PPP3CC: variants seen among roughly 807,000 people sequenced by gnomAD.
PPP3CC encodes protein phosphatase 3 catalytic subunit gamma.
Under a neutral mutation model 60.3 loss-of-function variants are expected in PPP3CC, and 35 were observed. The observed-to-expected ratio is 0.58, with a 90% CI of 0.44 to 0.77. PPP3CC has a LOEUF of 0.77. PPP3CC is among the 30% of genes least tolerant of loss of function. The probability of loss-of-function intolerance (pLI) is 0.00; values close to 1 mark genes in which losing one functional copy is unlikely to be tolerated. For synonymous variants in PPP3CC, 206 were observed against 224.3 expected (o/e 0.92, Z 0.73); for missense variants, 570 against 628.9 (o/e 0.91, Z 1.00).
intron 10 of PPP3CC, among the ~76,000 whole-genome samples, chr8:22,531,897 G>A (rs577251106): frequency 3.9e-5 from 6 of 152,182 alleles, no homozygotes; most frequent in Admixed American, 6.5e-5. Flanking sequence ...AGCTTTCTTT[G>A]TGAGGTTTGT....
intron 1 of PPP3CC, among the ~76,000 whole-genome samples, chr8:22,456,326 A>G (rs1345860905): frequency 1.3e-5 from 2 of 152,212 alleles, no homozygotes; most frequent in African/African-American, 4.8e-5. Flanking sequence ...GTCAATGTAT[A>G]TTGTAGTAGC....
At chr8:22,510,933 A>C (rs1839067412) in intron 4 of PPP3CC, 153 bp from the exon 5 acceptor site, 1 of 804,946 alleles carries the variant, frequency 1.2e-6, no homozygotes, top group Non-Finnish European at 1.9e-6. Context: ...TATTATCCAC[A>C]ACTTTTCAAA....
intron 1 of PPP3CC, among the ~76,000 whole-genome samples, chr8:22,469,639 G>GA: frequency 6.6e-6 from 1 of 152,084 alleles, no homozygotes; most frequent in Non-Finnish European, 1.5e-5. Flanking sequence ...TAAGTCATAC[G>GA]AAGAGGCCAC....
chr8:22,442,503 A>G (rs1324186518), intron 1 of PPP3CC, among the ~76,000 whole-genome samples: 1 of 152,234 alleles, frequency 6.6e-6, no homozygotes, highest in Admixed American at 6.5e-5. Context: ...ATTTTAGTGT[A>G]TAACTTAGGT....
Position 22,458,651 on chromosome 8 carries a change from A to AAT in PPP3CC, c.50-16292_50-16291dup, listed in dbSNP as rs1255982355. 1.3e-4 allele frequency among the ~76,000 whole-genome samples: 20 copies of AAT among 151,574 alleles called. No homozygotes were observed. In the East Asian group the frequency reaches 2.1e-3, roughly 16 times the overall value. On this transcript the variant is annotated intron_variant, in intron 1 of 13. Transcript: ENST00000240139. ...AATAAATAAAATAAAGTAAAATAAAAATATATATATATCACTACTAGCTAG... is the reference window on the plus strand; with the variant it reads ...AATAAATAAAATAAAGTAAAATAAAAATATATATATATATCACTACTAGCTAG...
intron 1 of PPP3CC, among the ~76,000 whole-genome samples, chr8:22,451,096 C>T (rs1482296427): frequency 6.6e-6 from 1 of 151,004 alleles, no homozygotes; most frequent in African/African-American, 2.4e-5. Flanking sequence ...ACCACGGCCT[C>T]CCAAAGTGCT....
chr8:22,469,638 C>T (rs79892173), intron 1 of PPP3CC, among the ~76,000 whole-genome samples: 6,471 of 152,096 alleles, frequency 0.043, 473 homozygotes, highest in African/African-American at 0.15. Flanking sequence ...CTAAGTCATA[C>T]GAAGAGGCCA....
At chr8:22,467,580 C>T (rs36082469) in intron 1 of PPP3CC, among the ~76,000 whole-genome samples, 6 of 152,100 alleles carry the variant, frequency 3.9e-5, no homozygotes, top group Non-Finnish European at 5.9e-5. Context: ...GGCAAGCACG[C>T]GCCACCACAC....
At chr8:22,499,495 T>A (rs1838701390) in intron 4 of PPP3CC, among the ~76,000 whole-genome samples, 1 of 151,996 alleles carries the variant, frequency 6.6e-6, no homozygotes. Flanking sequence ...TAGCTGATTT[T>A]AAAAAACAGA....
intron 3 of PPP3CC, among the ~76,000 whole-genome samples, chr8:22,485,562 A>C (rs7010861): frequency 6.6e-6 from 1 of 152,126 alleles, no homozygotes; most frequent in African/African-American, 2.4e-5. Context: ...AAGCCGTTAG[A>C]GGAGGGGGTG....
intron 3 of PPP3CC, among the ~76,000 whole-genome samples, chr8:22,495,034 A>G (rs556421620): frequency 1.3e-5 from 2 of 152,190 alleles, no homozygotes; most frequent in Non-Finnish European, 2.9e-5. Flanking sequence ...TACAGCCTCA[A>G]ACTCCTCGCC....
At chr8:22,454,642 A>G (rs1338754019) in intron 1 of PPP3CC, among the ~76,000 whole-genome samples, 1 of 152,198 alleles carries the variant, frequency 6.6e-6, no homozygotes, top group Non-Finnish European at 1.5e-5. Context: ...GACAGGTGAA[A>G]ACATCACTAG....
intron 3 of PPP3CC, among the ~76,000 whole-genome samples, chr8:22,487,034 C>G (rs1838246113): frequency 6.6e-6 from 1 of 152,052 alleles, no homozygotes; most frequent in African/African-American, 2.4e-5. Context: ...CCAGCCCAGA[C>G]TTTGTGTTTT....
intron 1 of PPP3CC, among the ~76,000 whole-genome samples, chr8:22,466,119 A>T (rs1837514225): frequency 6.6e-6 from 1 of 152,154 alleles, no homozygotes. Flanking sequence ...TAGTTTGCTG[A>T]GAATGATGGT....
chr8:22,444,229 C>T (rs1234572046), intron 1 of PPP3CC, among the ~76,000 whole-genome samples: 1 of 147,924 alleles, frequency 6.8e-6, no homozygotes, highest in South Asian at 2.1e-4. Flanking sequence ...GTACTGTAGC[C>T]TGGGCGACAA....
rs145121819 is a variant in PPP3CC at position 22,463,866 on chromosome 8, A to C, written c.50-11088A>C. On this transcript the variant is annotated intron_variant, in intron 1 of 13. Transcript: ENST00000240139. ...CAATGGCATGATCTCGGCTCACTGC[A>C]ACCTCCGCCTCCTGGATTCAAGCAA... Among the ~76,000 whole-genome samples, 658 of 150,798 alleles carry C rather than the reference A, an allele frequency of 4.4e-3. 6 individuals are homozygous for C. Among genetic ancestry groups the C allele is most frequent in the African/African-American group, 0.016 (636 of 41,002 alleles).
intron 12 of PPP3CC, among the ~76,000 whole-genome samples, chr8:22,538,627 G>T (rs1839895651): frequency 6.6e-6 from 1 of 152,144 alleles, no homozygotes; most frequent in South Asian, 2.1e-4. Flanking sequence ...GATCTTTCTT[G>T]TGGCACCCTG....
intron 1 of PPP3CC, among the ~76,000 whole-genome samples, chr8:22,443,979 T>G (rs1265634686): frequency 1.6e-4 from 25 of 152,246 alleles, no homozygotes; most frequent in Non-Finnish European, 2.9e-5. Context: ...TTTGTTTCTG[T>G]CATTTCCTGT....
chr8:22,489,711 A>ATAT (rs1563731663), intron 3 of PPP3CC, among the ~76,000 whole-genome samples: 33 of 138,248 alleles, frequency 2.4e-4, no homozygotes, highest in African/African-American at 8.5e-4. Context: ...TATTATATAT[A>ATAT]AGTATATATT....
Sources: allele counts gnomAD v4.1 joint callset (sites outside exome capture counted in the v4.1 genomes callset), GRCh38; gene constraint gnomAD v4.1.1; transcripts MANE v1.5; gene names NCBI Gene and HGNC (gene_info 2026-07-23, HGNC 2026-07-21).